FER: variants seen among roughly 807,000 people sequenced by gnomAD.
FER encodes the protein FER tyrosine kinase.
Under a neutral mutation model 111.0 loss-of-function variants are expected in FER, and 63 were observed. That is an observed-to-expected ratio of 0.57 (90% CI 0.46 to 0.70). The LOEUF is 0.70. Ranked by LOEUF, FER falls within the 30% of genes least tolerant of loss-of-function variation. The pLI, the probability that FER is intolerant of heterozygous loss-of-function variation, is 0.00. For missense variants in FER, 914 were observed against 954.0 expected (o/e 0.96, Z 0.55); for synonymous variants, 327 against 313.9 (o/e 1.04, Z -0.44).
chr5:108,845,069 C>CACAT (rs1402073964), intron 5 of FER, among the ~76,000 whole-genome samples: 5 of 69,950 alleles, frequency 7.1e-5, no homozygotes, highest in African/African-American at 2.7e-4. Context: ...TATATATATA[C>CACAT]ACACACACAC....
At chr5:109,007,241 A>G (rs534003729) in intron 13 of FER, among the ~76,000 whole-genome samples, 17 of 152,208 alleles carry the variant, frequency 1.1e-4, no homozygotes, top group Admixed American at 4.6e-4. Context: ...TTTTAACCCA[A>G]AGTAGGAGAC....
intron 17 of FER, among the ~76,000 whole-genome samples, chr5:109,125,189 A>T (rs1561926976): frequency 6.6e-6 from 1 of 151,980 alleles, no homozygotes; most frequent in African/African-American, 2.4e-5. Flanking sequence ...TAGAATTATT[A>T]TCTGTTTTTT....
At chr5:109,038,665 A>G (rs1466051037) in intron 14 of FER, among the ~76,000 whole-genome samples, 1 of 151,900 alleles carries the variant, frequency 6.6e-6, no homozygotes, top group Non-Finnish European at 1.5e-5. Context: ...CCTCATCCTT[A>G]AGGAAATATT....
chr5:109,029,590 G>A (rs369921754), intron 13 of FER, among the ~76,000 whole-genome samples: 11 of 151,806 alleles, frequency 7.2e-5, no homozygotes, highest in African/African-American at 2.7e-4. Flanking sequence ...TTGAAAGATG[G>A]TTTTACCACA....
intron 11 of FER, among the ~76,000 whole-genome samples, chr5:108,946,805 T>TTCC (rs145713351): frequency 0.025 from 1 of 40 alleles, no homozygotes; most frequent in African/African-American, 0.1. Context: ...AAAGCATTAG[T>TTCC]TCTATTTACT....
At chr5:108,835,195 C>T (rs893290445) in intron 4 of FER, among the ~76,000 whole-genome samples, 1 of 126,882 alleles carries the variant, frequency 7.9e-6, no homozygotes, top group Admixed American at 7.6e-5. Flanking sequence ...CCCCCCCCCC[C>T]CCACTTTTTT....
chr5:109,091,165 G>A (rs1311881487), intron 16 of FER, among the ~76,000 whole-genome samples: 1 of 152,190 alleles, frequency 6.6e-6, no homozygotes, highest in Non-Finnish European at 1.5e-5. Context: ...GCATTTTGGA[G>A]ATCTTAGAGG....
chr5:108,767,102 G>A (rs1461686062), intron 1 of FER, among the ~76,000 whole-genome samples: 4 of 152,108 alleles, frequency 2.6e-5, no homozygotes, highest in African/African-American at 9.7e-5. Context: ...TCAGGAATTC[G>A]AGACCAGCCT....
intron 10 of FER, among the ~76,000 whole-genome samples, chr5:108,924,212 T>C (rs999102506): frequency 3.3e-5 from 5 of 151,526 alleles, no homozygotes; most frequent in African/African-American, 1.2e-4. Flanking sequence ...CAAAAAAATT[T>C]AGCCAGGCAC....
intron 17 of FER, among the ~76,000 whole-genome samples, chr5:109,165,351 A>T (rs1297600675): frequency 6.6e-6 from 1 of 152,034 alleles, no homozygotes; most frequent in East Asian, 1.9e-4. Context: ...CCAGGTTTAA[A>T]TTTTTCTTCT....
intron 5 of FER, chr5:108,841,903 T>G: frequency 2.8e-6 from 1 of 356,378 alleles, no homozygotes; most frequent in East Asian, 8.8e-5. Flanking sequence ...TTAGTATTTT[T>G]GTATGTATTT....
intron 13 of FER, among the ~76,000 whole-genome samples, chr5:109,034,439 G>C (rs761733839): frequency 6.6e-6 from 1 of 151,890 alleles, no homozygotes; most frequent in Non-Finnish European, 1.5e-5. Flanking sequence ...TTTATTAAAA[G>C]CCTGGGGTAT....
At chr5:108,996,547 G>T (rs1308438367) in intron 13 of FER, among the ~76,000 whole-genome samples, 1 of 152,114 alleles carries the variant, frequency 6.6e-6, no homozygotes, top group Admixed American at 6.6e-5. Flanking sequence ...TTTTTGTCAG[G>T]TTTGTCAAAG....
intron 2 of FER, among the ~76,000 whole-genome samples, chr5:108,797,330 G>A (rs1357722357): frequency 2.6e-5 from 4 of 152,056 alleles, no homozygotes; most frequent in African/African-American, 7.2e-5. Flanking sequence ...TGTGCTGGCC[G>A]GGGTGCAGAA....
At chr5:108,981,949 A>C (rs72789348) in intron 13 of FER, among the ~76,000 whole-genome samples, 17,223 of 152,092 alleles carry the variant, frequency 0.11, 1,085 homozygotes, top group Middle Eastern at 0.16. Context: ...TATAACCATC[A>C]ATGATGCTAA....
At chr5:109,182,178 T>C (rs1271771323) in intron 18 of FER, among the ~76,000 whole-genome samples, 1 of 152,218 alleles carries the variant, frequency 6.6e-6, no homozygotes, top group Non-Finnish European at 1.5e-5. Flanking sequence ...TTATTCTGGG[T>C]ATATACTAGA....
At chr5:109,098,751 G>A (rs1183375090) in intron 16 of FER, among the ~76,000 whole-genome samples, 2 of 151,428 alleles carry the variant, frequency 1.3e-5, no homozygotes, top group African/African-American at 4.8e-5. Context: ...TCATCATCCT[G>A]GTAATTTAAT....
intron 3 of FER, among the ~76,000 whole-genome samples, chr5:108,811,556 G>T (rs1421351941): frequency 2.0e-5 from 3 of 152,174 alleles, no homozygotes; most frequent in Non-Finnish European, 2.9e-5. Flanking sequence ...ACAGTAAAGT[G>T]AAGATGGTTG....
At chr5:108,794,524 G>GCCCCCCCCCCCCCCCCCCCCCCCCCC (rs1415651696) in intron 2 of FER, among the ~76,000 whole-genome samples, 1 of 53,706 alleles carries the variant, frequency 1.9e-5, no homozygotes. Flanking sequence ...TGCCCCCTCC[G>GCCCCCCCCCCCCCCCCCCCCCCCCCC]CACCCCCCCC....
Sources: allele counts gnomAD v4.1 joint callset (sites outside exome capture counted in the v4.1 genomes callset), GRCh38; gene constraint gnomAD v4.1.1; transcripts MANE v1.5; gene names NCBI Gene and HGNC (gene_info 2026-07-23, HGNC 2026-07-21).